The following CIB4 variants were observed in gnomAD, a reference collection of about 807,000 sequenced individuals.
CIB4 encodes calcium and integrin-binding family member 4.
Under a neutral mutation model 25.8 loss-of-function variants are expected in CIB4, and 25 were observed. That is an observed-to-expected ratio of 0.97 (90% CI 0.71 to 1.35). The LOEUF (loss-of-function observed/expected upper bound fraction) is 1.35. Among genes scored for constraint, CIB4 ranks in the 40% most tolerant of loss-of-function variants. The probability of loss-of-function intolerance (pLI) is 0.00; values close to 1 mark genes in which losing one functional copy is unlikely to be tolerated. For synonymous variants in CIB4, 75 were observed against 81.4 expected, an observed-to-expected ratio of 0.92 and a Z score of 0.42; for missense variants, 235 against 228.2, an observed-to-expected ratio of 1.03 and a Z score of -0.19.
chr2:26,618,753 G>A (rs980112270), intron 3 of CIB4, among the ~76,000 whole-genome samples: 4 of 152,206 alleles, frequency 2.6e-5, no homozygotes, highest in Admixed American at 6.5e-5. Context: ...CAGCACTGGC[G>A]AGGTCCTTCC....
chr2:26,590,350 G>A (rs185894049), intron 4 of CIB4, among the ~76,000 whole-genome samples: 1 of 149,558 alleles, frequency 6.7e-6, no homozygotes, highest in East Asian at 2.0e-4. Flanking sequence ...CTTCTTAGAC[G>A]TTAAAGCACA....
chr2:26,628,526 T>C (rs1669351709), intron 3 of CIB4, among the ~76,000 whole-genome samples: 1 of 152,114 alleles, frequency 6.6e-6, no homozygotes, highest in Non-Finnish European at 1.5e-5. Context: ...CAGGACAAGT[T>C]GTGGAAACTG....
chr2:26,634,595 T>C (rs1414667174), intron 2 of CIB4, among the ~76,000 whole-genome samples: 2 of 152,218 alleles, frequency 1.3e-5, no homozygotes, highest in African/African-American at 4.8e-5. Flanking sequence ...TGGAAACTGA[T>C]GCTCAGGGAG....
chr2:26,583,969 T>TG, intron 4 of CIB4, 71 bp from the exon 5 acceptor site: 1 of 984,196 alleles, frequency 1.0e-6, no homozygotes, highest in Non-Finnish European at 1.6e-6. Context: ...TGAGGAGTCC[T>TG]GGGGGACACA....
At chr2:26,589,547 C>T (rs775861302) in intron 4 of CIB4, among the ~76,000 whole-genome samples, 1 of 152,132 alleles carries the variant, frequency 6.6e-6, no homozygotes, top group Non-Finnish European at 1.5e-5. Flanking sequence ...GTCTCAAACT[C>T]CTGACCTCAG....
At chr2:26,619,353 A>G (rs1669158035) in intron 3 of CIB4, among the ~76,000 whole-genome samples, 1 of 152,112 alleles carries the variant, frequency 6.6e-6, no homozygotes, top group African/African-American at 2.4e-5. Context: ...CACCAGCCTC[A>G]TGGAGCGCTT....
chr2:26,639,533 A>G (rs1388518617), intron 2 of CIB4, among the ~76,000 whole-genome samples: 5 of 152,150 alleles, frequency 3.3e-5, no homozygotes, highest in Non-Finnish European at 5.9e-5. Flanking sequence ...AAATTTCAAT[A>G]GAGGTTATAT....
intron 3 of CIB4, 59 bp from the exon 4 acceptor site, chr2:26,595,376 G>A: frequency 2.6e-6 from 4 of 1,566,412 alleles, no homozygotes; most frequent in Non-Finnish European, 3.5e-6. Context: ...GTGTCTCCCT[G>A]GGTCTCTCTC....
chr2:26,594,989 A>C (rs1668652073), intron 4 of CIB4, among the ~76,000 whole-genome samples, 187 bp downstream of exon 4: 1 of 151,980 alleles, frequency 6.6e-6, no homozygotes, highest in Non-Finnish European at 1.5e-5. Flanking sequence ...GAGTCTGTCC[A>C]TTGATGCTGT....
At chr2:26,589,658 T>C (rs1425261985) in intron 4 of CIB4, among the ~76,000 whole-genome samples, 5 of 152,164 alleles carry the variant, frequency 3.3e-5, no homozygotes, top group Non-Finnish European at 5.9e-5. Context: ...TTCTCCTGTC[T>C]TTCTTACTAA....
chr2:26,629,381 C>T (rs1669371413), intron 3 of CIB4, 29 bp downstream of exon 3: 2 of 1,463,784 alleles, frequency 1.4e-6, no homozygotes, highest in Non-Finnish European at 1.9e-6. Context: ...CTGATGCTGC[C>T]CTTGCCCCAC....
chr2:26,619,067 C>A (rs1669151735), intron 3 of CIB4, among the ~76,000 whole-genome samples: 1 of 152,234 alleles, frequency 6.6e-6, no homozygotes, highest in East Asian at 1.9e-4. Context: ...GAACTCGGTG[C>A]ACAACCCGCA....
rs1307230689 is a variant in CIB4 at position 26,595,337 on chromosome 2, C to T, written c.187-20G>A. 2.5e-6 allele frequency: 4 copies of T among 1,606,790 alleles called. No individual in the cohort carries two copies. The highest frequency in any genetic ancestry group is 3.4e-6 in the Non-Finnish European group (4 of 1,174,310). On this transcript the variant is annotated intron_variant, in intron 3 of 6. Transcript: ENST00000288861. ...GTTGACCTGTGGGCGACAGGAGGAG[C>T]AGGGAGGAGGTCTATCAGGGTCGGG...
chr2:26,615,272 C>T (rs565588788), intron 3 of CIB4, among the ~76,000 whole-genome samples: 1 of 152,202 alleles, frequency 6.6e-6, no homozygotes, highest in East Asian at 1.9e-4. Flanking sequence ...CCCCTGCCCC[C>T]AGACAGCATG....
rs1348412398 is a variant in CIB4, at chr2:26,600,823, C to CGACT, written c.187-5507_187-5506insAGTC. 2.0e-5 allele frequency among the ~76,000 whole-genome samples: 3 copies of CGACT among 152,130 alleles called. No individual in the cohort carries two copies. In the East Asian group the frequency reaches 5.8e-4, roughly 29 times the overall value. ...TTCTAGTTAAAGTTTTCCAGCCAGT[C>CGACT]CATTTTGCAGGACTTGACAAGCCAA... is the stretch of plus-strand genomic sequence containing the variant. On this transcript the variant is annotated intron_variant, in intron 3 of 6. Transcript: ENST00000288861.
At chr2:26,607,619 T>C (rs904284765) in intron 3 of CIB4, among the ~76,000 whole-genome samples, 4 of 152,186 alleles carry the variant, frequency 2.6e-5, no homozygotes, top group African/African-American at 9.7e-5. Context: ...GGGGCTCGAA[T>C]GAGATTATAT....
intron 3 of CIB4, among the ~76,000 whole-genome samples, chr2:26,597,282 C>G (rs1350709345): frequency 6.6e-6 from 1 of 152,162 alleles, no homozygotes; most frequent in African/African-American, 2.4e-5. Flanking sequence ...GAGCCACTGA[C>G]TGATGTAAGG....
intron 3 of CIB4, among the ~76,000 whole-genome samples, chr2:26,613,877 A>C (rs1258688175): frequency 6.6e-6 from 1 of 152,192 alleles, no homozygotes; most frequent in East Asian, 1.9e-4. Flanking sequence ...CACCTGGGTG[A>C]ATGTGTCCCC....
intron 2 of CIB4, among the ~76,000 whole-genome samples, chr2:26,638,054 G>A (rs372558044): frequency 3.9e-5 from 6 of 152,206 alleles, no homozygotes; most frequent in African/African-American, 1.4e-4. Flanking sequence ...AGCCTCCTGA[G>A]CAGGAGCTAC....
Sources: gnomAD v4.1 joint callset for allele counts (sites outside exome capture counted in the v4.1 genomes callset) on GRCh38, gnomAD v4.1.1 for gene constraint, MANE v1.5 for transcripts, NCBI Gene and HGNC (gene_info 2026-07-23, HGNC 2026-07-21) for gene names.